The following CWH43 variants were observed in gnomAD, a reference collection of about 807,000 sequenced individuals.
The protein encoded by CWH43 is PGAP2-interacting protein.
CWH43 carries 91 observed loss-of-function variants against 85.7 expected under a neutral mutation model. The observed-to-expected ratio is 1.06, with a 90% confidence interval of 0.90 to 1.26. The LOEUF (loss-of-function observed/expected upper bound fraction) is 1.26. Ranked by LOEUF, CWH43 falls within the 50% of genes most tolerant of loss-of-function variation. The pLI, the probability that CWH43 is intolerant of heterozygous loss-of-function variation, is 0.00. For synonymous variants in CWH43, 323 were observed against 293.6 expected (o/e 1.10, Z -1.02); for missense variants, 869 against 839.2 (o/e 1.04, Z -0.44).
chr4:49,017,530 A>G (rs1783592532), intron 9 of CWH43, among the ~76,000 whole-genome samples: 1 of 152,190 alleles, frequency 6.6e-6, no homozygotes, highest in African/African-American at 2.4e-5. Flanking sequence ...AGGCCCATAC[A>G]CTAGAGGCAA....
At chr4:49,007,125 T>C in intron 7 of CWH43, 76 bp from the exon 8 acceptor site, 3 of 1,489,428 alleles carry the variant, frequency 2.0e-6, no homozygotes, top group Non-Finnish European at 1.8e-6. Context: ...TTCAAGGAAC[T>C]CTCAGCTGCT....
chr4:49,005,477 C>T (rs564503583), intron 7 of CWH43, among the ~76,000 whole-genome samples: 4 of 151,708 alleles, frequency 2.6e-5, no homozygotes, highest in South Asian at 2.1e-4. Flanking sequence ...ATATATAAAA[C>T]GAGACAAATA....
At chr4:49,050,125 G>C (rs1784748580) in intron 14 of CWH43, among the ~76,000 whole-genome samples, 2 of 152,152 alleles carry the variant, frequency 1.3e-5, no homozygotes, top group African/African-American at 4.8e-5. Flanking sequence ...AAAATAAAAT[G>C]AATTCTTTGT....
At chr4:49,014,488 G>A (rs772537103) in intron 8 of CWH43, among the ~76,000 whole-genome samples, 1 of 150,488 alleles carries the variant, frequency 6.6e-6, no homozygotes, top group Non-Finnish European at 1.5e-5. Context: ...GAGAAGAAAA[G>A]ATTCTATTTA....
intron 8 of CWH43, among the ~76,000 whole-genome samples, chr4:49,013,126 G>A (rs539825252): frequency 3.9e-5 from 6 of 152,366 alleles, no homozygotes; most frequent in South Asian, 2.1e-4. Flanking sequence ...AGTAGACCTT[G>A]CTGAGCTGTG....
intron 13 of CWH43, among the ~76,000 whole-genome samples, chr4:49,039,448 T>TAC (rs576648250): frequency 7.0e-6 from 1 of 141,998 alleles, no homozygotes; most frequent in South Asian, 2.2e-4. Context: ...TATATATATA[T>TAC]ACTATAATGC....
intron 6 of CWH43, among the ~76,000 whole-genome samples, chr4:48,999,185 C>T (rs1782913179): frequency 1.3e-5 from 2 of 152,190 alleles, no homozygotes; most frequent in Non-Finnish European, 2.9e-5. Context: ...ATTTGGTTTT[C>T]TGTTCCTGCA....
chr4:49,004,720 A>C (rs1328576765), intron 7 of CWH43, among the ~76,000 whole-genome samples: 1 of 152,186 alleles, frequency 6.6e-6, no homozygotes, highest in African/African-American at 2.4e-5. Flanking sequence ...TATTTGTAAC[A>C]AAAAATTCAT....
intron 5 of CWH43, among the ~76,000 whole-genome samples, chr4:48,995,111 A>G (rs1460073609): frequency 1.3e-5 from 2 of 152,206 alleles, no homozygotes; most frequent in Non-Finnish European, 1.5e-5. Context: ...GAATGCCTGC[A>G]CAGAAGAGCA....
chr4:49,005,241 C>T (rs978311271), intron 7 of CWH43, among the ~76,000 whole-genome samples: 1 of 152,060 alleles, frequency 6.6e-6, no homozygotes, highest in Non-Finnish European at 1.5e-5. Context: ...GGTACAATTG[C>T]AATTTTGTTA....
chr4:49,003,648 G>A (rs1349558883), intron 6 of CWH43, 87 bp from the exon 7 acceptor site: 6 of 1,325,900 alleles, frequency 4.5e-6, no homozygotes, highest in Non-Finnish European at 6.4e-6. Context: ...ATACCCCTAA[G>A]GTCTGTTCTG....
chr4:49,007,081 T>G (rs1011735208), intron 7 of CWH43, 120 bp from the exon 8 acceptor site: 2 of 1,142,564 alleles, frequency 1.8e-6, no homozygotes, highest in African/African-American at 3.2e-5. Flanking sequence ...TGAGATAAAT[T>G]AAATCAGTAC....
intron 8 of CWH43, among the ~76,000 whole-genome samples, chr4:49,012,547 G>T (rs767722312): frequency 1.6e-4 from 24 of 152,210 alleles, no homozygotes; most frequent in Non-Finnish European, 3.2e-4. Context: ...TGGAGGAGAA[G>T]AGGCACTCTG....
intron 8 of CWH43, among the ~76,000 whole-genome samples, chr4:49,008,167 AC>A (rs1783228358): frequency 6.6e-6 from 1 of 152,128 alleles, no homozygotes; most frequent in Non-Finnish European, 1.5e-5. Flanking sequence ...CACCATTCTA[AC>A]TGGTGTGAGA....
chr4:49,020,655 A>T (rs1331742381), intron 9 of CWH43, among the ~76,000 whole-genome samples: 4 of 152,266 alleles, frequency 2.6e-5, no homozygotes, highest in African/African-American at 9.6e-5. Context: ...CAGTGGTTGT[A>T]CTAGTTTACC....
chr4:49,047,337 A>G (rs1784654213), intron 14 of CWH43, among the ~76,000 whole-genome samples: 1 of 152,218 alleles, frequency 6.6e-6, no homozygotes, highest in Non-Finnish European at 1.5e-5. Context: ...AAAGCTGTAA[A>G]CAAAACAGAG....
At chr4:49,053,101 T>C (rs1784847935) in intron 15 of CWH43, among the ~76,000 whole-genome samples, 1 of 152,176 alleles carries the variant, frequency 6.6e-6, no homozygotes, top group South Asian at 2.1e-4. Flanking sequence ...TCCATGTTGT[T>C]GCAAATGACA....
intron 13 of CWH43, among the ~76,000 whole-genome samples, chr4:49,040,074 T>C (rs1036002720): frequency 3.9e-5 from 6 of 152,160 alleles, no homozygotes; most frequent in Non-Finnish European, 7.3e-5. Flanking sequence ...AGGACATGAA[T>C]TCATCATTTT....
chr4:49,047,185 A>G (rs1311234577), intron 14 of CWH43, among the ~76,000 whole-genome samples: 3 of 152,100 alleles, frequency 2.0e-5, no homozygotes, highest in Non-Finnish European at 4.4e-5. Context: ...CATGGATTCA[A>G]CTCCTCTCCC....
Sources: gnomAD v4.1 joint callset for allele counts (sites outside exome capture counted in the v4.1 genomes callset) on GRCh38, gnomAD v4.1.1 for gene constraint, MANE v1.5 for transcripts, NCBI Gene and HGNC (gene_info 2026-07-23, HGNC 2026-07-21) for gene names.